Variants in CARMIL1 observed in about 807,000 individuals in gnomAD.
The protein encoded by CARMIL1 is capping protein regulator and myosin 1 linker 1.
A neutral mutation model predicts 177.1 loss-of-function variants in CARMIL1; 90 were observed. The observed-to-expected ratio is 0.51, with a 90% CI of 0.43 to 0.61. The LOEUF is 0.61. Among genes scored for constraint, CARMIL1 ranks in the 20% least tolerant of loss-of-function variants. The pLI, the probability that CARMIL1 is intolerant of heterozygous loss-of-function variation, is 0.00. For synonymous variants in CARMIL1, 577 were observed against 606.2 expected, an observed-to-expected ratio of 0.95 and a Z score of 0.71; for missense variants, 1,380 against 1,667.0, an observed-to-expected ratio of 0.83 and a Z score of 3.00.
chr6:25,333,278 T>C (rs1356451513), intron 2 of CARMIL1, among the ~76,000 whole-genome samples: 1 of 152,176 alleles, frequency 6.6e-6, no homozygotes, highest in Non-Finnish European at 1.5e-5. Flanking sequence ...GTAATGAATA[T>C]GCGGCTGGGC....
chr6:25,455,866 G>A (rs1799471304), intron 8 of CARMIL1, among the ~76,000 whole-genome samples: 1 of 152,204 alleles, frequency 6.6e-6, no homozygotes, highest in East Asian at 1.9e-4. Context: ...TTGCTCATCT[G>A]AAGCACAGAG....
At chr6:25,423,478 G>T (rs1344714084) in intron 3 of CARMIL1, among the ~76,000 whole-genome samples, 1 of 152,190 alleles carries the variant, frequency 6.6e-6, no homozygotes, top group African/African-American at 2.4e-5. Flanking sequence ...TGGCCAAAAG[G>T]CTTAGCAGTT....
rs397887367 is a variant in CARMIL1, at chr6:25,390,293, C to CAT, written c.139-29794_139-29793dup. On this transcript the variant is annotated intron_variant, in intron 2 of 36. Coordinates refer to ENST00000329474, the MANE Select transcript of CARMIL1 (RefSeq NM_017640.6). ...ATATATAGGTACACATATATATTTA[C>CAT]ATATATATATATATATATATATATA... is the stretch of plus-strand genomic sequence containing the variant. 4.2e-3 allele frequency among the ~76,000 whole-genome samples: 353 copies of CAT among 84,846 alleles called. 3 individuals carry two copies. Among genetic ancestry groups the CAT allele is most frequent in the South Asian group, 5.6e-3 (14 of 2,492 alleles). The allele number at this position is 84,846 out of a possible 152,430, so 55.7% of individuals were successfully genotyped here.
intron 12 of CARMIL1, among the ~76,000 whole-genome samples, chr6:25,483,748 G>A (rs1041235843): frequency 5.3e-5 from 8 of 150,354 alleles, no homozygotes; most frequent in African/African-American, 9.8e-5. Flanking sequence ...AAAAAAAGTC[G>A]GAGGTGGATT....
intron 2 of CARMIL1, chr6:25,393,611 T>C (rs1044160122): frequency 8.6e-5 from 13 of 151,458 alleles, no homozygotes; most frequent in African/African-American, 2.9e-4. Context: ...TGGTGGCTCA[T>C]GCCTGTACTC....
intron 17 of CARMIL1, among the ~76,000 whole-genome samples, chr6:25,508,795 G>A (rs937853639): frequency 6.6e-6 from 1 of 152,104 alleles, no homozygotes; most frequent in Non-Finnish European, 1.5e-5. Context: ...TAAGTTTACA[G>A]AGCAAAAGGG....
intron 5 of CARMIL1, among the ~76,000 whole-genome samples, chr6:25,442,456 G>C (rs1876373): frequency 0.14 from 20,387 of 147,994 alleles, 1,499 homozygotes; most frequent in African/African-American, 0.2. Flanking sequence ...CTATTTAACA[G>C]TGTGTGTGTG....
At chr6:25,337,403 G>T (rs1201729855) in intron 2 of CARMIL1, among the ~76,000 whole-genome samples, 2 of 152,048 alleles carry the variant, frequency 1.3e-5, no homozygotes, top group African/African-American at 4.8e-5. Context: ...ACGGTAATCG[G>T]GCATATGTCT....
At position 25,522,408 on chromosome 6, in the gene CARMIL1, C is replaced by G. The variant is rs563446265; in HGVS notation, c.1968+2071C>G. Among the ~76,000 whole-genome samples the G allele has an allele frequency of 2.6e-5, 4 of 152,294 alleles. No individual in the cohort carries two copies. The South Asian group carries it at 6.2e-4, about 24-fold the overall frequency. The stretch of plus-strand genomic sequence containing the variant: ...CCAACTCTTTTGTTTTGACCTGTCT[C>G]AAGGAACTCGTTAAAAATGCAAATT... On this transcript the variant is annotated intron_variant, in intron 23 of 36. Coordinates refer to ENST00000329474, the MANE Select transcript of CARMIL1 (RefSeq NM_017640.6).
intron 31 of CARMIL1, among the ~76,000 whole-genome samples, chr6:25,583,540 G>A (rs1020975090): frequency 6.6e-6 from 1 of 152,122 alleles, no homozygotes; most frequent in African/African-American, 2.4e-5. Flanking sequence ...ATAAGTAGGT[G>A]GATAGCTGGA....
chr6:25,515,824 A>C lies in CARMIL1; in HGVS notation c.1782A>C (p.Ala594=). The change falls in exon 21 of 37, where the codon GCA becomes GCC. Residue 594 remains alanine, a synonymous_variant. Coordinates refer to ENST00000329474, the MANE Select transcript of CARMIL1 (RefSeq NM_017640.6). The surrounding 1 kb of genome is among the most constrained non-coding windows in gnomAD (Gnocchi z 5.0). ...TGGGAGCGAAGATGCTGGCCAAAGC[A>C]CTGCAGATCAACACTAAGCTCAGGT... ...GDMGAKMLAK[A]LQINTKLRTV... is the part of the protein sequence containing the mutation. 1.9e-6 allele frequency: 3 copies of C among 1,608,252 alleles called. No individual in the cohort carries two copies. The highest frequency in any genetic ancestry group is 2.5e-6 in the Non-Finnish European group (3 of 1,177,532).
At chr6:25,512,421 G>A (rs1282219823) in intron 20 of CARMIL1, among the ~76,000 whole-genome samples, 1 of 152,072 alleles carries the variant, frequency 6.6e-6, no homozygotes, top group African/African-American at 2.4e-5. Context: ...AAAGTAGATG[G>A]CTTTTTCAGA....
At chr6:25,503,521 A>G (rs1271606089) in intron 17 of CARMIL1, among the ~76,000 whole-genome samples, 1 of 152,152 alleles carries the variant, frequency 6.6e-6, no homozygotes, top group Non-Finnish European at 1.5e-5. Flanking sequence ...TTGAGTGTTA[A>G]CTGTTTGAGT....
chr6:25,558,552 C>G lies in CARMIL1; in HGVS notation c.2742+1702C>G, dbSNP rs1331728345. ...AATTTTAAAAAATGCAGTTGGAAGA[C>G]CACCCTCAGAACTTAAGGGACAGGC... On this transcript the variant is annotated intron_variant, in intron 29 of 36. Coordinates refer to ENST00000329474, the MANE Select transcript of CARMIL1 (RefSeq NM_017640.6). This position sits in a 1 kb window ranked among gnomAD's most constrained non-coding sequence, Gnocchi z 4.1. Among the ~76,000 whole-genome samples the G allele has an allele frequency of 6.6e-6, 1 of 152,178 alleles. No individual in the cohort carries two copies. The highest frequency in any genetic ancestry group is 1.5e-5 in the Non-Finnish European group (1 of 68,034).
intron 2 of CARMIL1, among the ~76,000 whole-genome samples, chr6:25,369,524 C>T (rs150843725): frequency 3.0e-4 from 45 of 152,102 alleles, no homozygotes; most frequent in African/African-American, 1.0e-3. Context: ...TTGTGCCCCT[C>T]GCCCCCCTTA....
intron 2 of CARMIL1, among the ~76,000 whole-genome samples, chr6:25,334,184 T>C (rs375437877): frequency 3.4e-4 from 51 of 152,216 alleles, no homozygotes; most frequent in African/African-American, 1.1e-3. Context: ...CAAGGTTTCC[T>C]GAGGCAGAGG....
intron 2 of CARMIL1, among the ~76,000 whole-genome samples, chr6:25,301,453 T>A (rs1437693074): frequency 6.6e-6 from 1 of 152,224 alleles, no homozygotes; most frequent in Non-Finnish European, 1.5e-5. Context: ...ACTGGGCAGC[T>A]GCTCATAGGG....
chr6:25,477,301 T>C (rs1235756142), intron 11 of CARMIL1, among the ~76,000 whole-genome samples: 1 of 152,048 alleles, frequency 6.6e-6, no homozygotes, highest in Non-Finnish European at 1.5e-5. Flanking sequence ...TTTTCACATC[T>C]ATGTACAGAG....
chr6:25,447,693 A>G (rs1798369259), intron 5 of CARMIL1, among the ~76,000 whole-genome samples: 1 of 151,994 alleles, frequency 6.6e-6, no homozygotes, highest in African/African-American at 2.4e-5. Context: ...ATCTCCTGGA[A>G]CAGCTTATTC....
Sources: allele counts gnomAD v4.1 joint callset (sites outside exome capture counted in the v4.1 genomes callset), GRCh38; gene constraint gnomAD v4.1.1; non-coding constraint Gnocchi (gnomAD v3.1); transcripts MANE v1.5; gene names NCBI Gene and HGNC (gene_info 2026-07-23, HGNC 2026-07-21).